The following ZNF503 variants were observed in gnomAD, a reference collection of about 807,000 sequenced individuals.
ZNF503 encodes zinc finger protein 503.
In ZNF503, 15 loss-of-function variants were observed where a neutral mutation model predicts 34.4. That is an observed-to-expected ratio of 0.44 (90% CI 0.29 to 0.67). The LOEUF (loss-of-function observed/expected upper bound fraction) is 0.67. Ranked by LOEUF, ZNF503 falls within the 30% of genes least tolerant of loss-of-function variation. The pLI is 0.13. For synonymous variants in ZNF503, 580 were observed against 456.8 expected (o/e 1.27, Z -3.44); for missense variants, 1,007 against 926.8 (o/e 1.09, Z -1.12).
At chr10:75,384,831 C>T in the ZNF503 span, among the ~76,000 whole-genome samples, 1 of 152,238 alleles carries the variant, frequency 6.6e-6, no homozygotes, top group Non-Finnish European at 1.5e-5. Context: ...CTCTGGCTAC[C>T]TCCCTGTCCC....
the ZNF503 span, among the ~76,000 whole-genome samples, chr10:75,337,907 C>T: frequency 6.6e-6 from 1 of 152,162 alleles, no homozygotes; most frequent in African/African-American, 2.4e-5. Flanking sequence ...ATACATTCAC[C>T]CTGGGCCAGA....
the ZNF503 span, among the ~76,000 whole-genome samples, chr10:75,377,058 A>C: frequency 9.8e-5 from 15 of 152,302 alleles, no homozygotes; most frequent in African/African-American, 3.4e-4. Context: ...CTTGCTAGAA[A>C]TGCAAACCCT....
chr10:75,285,035 T>C, the ZNF503 span, among the ~76,000 whole-genome samples: 1 of 152,236 alleles, frequency 6.6e-6, no homozygotes, highest in Non-Finnish European at 1.5e-5. Context: ...TTACTACTTA[T>C]TGATCATGGT....
At chr10:75,331,127 T>C in the ZNF503 span, among the ~76,000 whole-genome samples, 2 of 152,380 alleles carry the variant, frequency 1.3e-5, no homozygotes, top group African/African-American at 4.8e-5. Context: ...CCTCTTGTTA[T>C]TGATTTTTAG....
chr10:75,321,166 C>A, the ZNF503 span, among the ~76,000 whole-genome samples: 1 of 152,174 alleles, frequency 6.6e-6, no homozygotes, highest in South Asian at 2.1e-4. Context: ...TAAGAGGAAC[C>A]TGTTTCCCCT....
the ZNF503 span, among the ~76,000 whole-genome samples, chr10:75,335,938 C>T: frequency 2.6e-5 from 4 of 152,314 alleles, no homozygotes; most frequent in African/African-American, 9.6e-5. Flanking sequence ...TTTCTCTGTT[C>T]AAGACTAAGA....
chr10:75,382,552 C>G, the ZNF503 span: 4 of 507,176 alleles, frequency 7.9e-6, no homozygotes, highest in Non-Finnish European at 1.4e-5. Flanking sequence ...TGACTGGTGT[C>G]TCTTTCTCCT....
rs1843740513 is a variant in ZNF503, at chr10:75,398,917, G to A, written c.1773C>T (p.Ser591=). The change falls in exon 2 of 2, where the codon AGC becomes AGT. Residue 591 remains serine (S), a synonymous_variant. Coordinates refer to ENST00000372524, the MANE Select transcript of ZNF503 (RefSeq NM_032772.6). ...PGSPGTLALR[S]PHHALGLSSR... is the part of the protein sequence containing the mutation. ...TGCTGAGTCCCAGCGCGTGGTGGGG[G>A]CTGCGCAGCGCCAGCGTCCCAGGGC... is the stretch of plus-strand genomic sequence containing the variant. 1 of 1,574,912 alleles carries A rather than the reference G, an allele frequency of 6.3e-7. No homozygotes were observed. The highest frequency in any genetic ancestry group is 8.6e-7 in the Non-Finnish European group (1 of 1,163,826).
the ZNF503 span, among the ~76,000 whole-genome samples, chr10:75,305,158 C>T: frequency 6.6e-6 from 1 of 152,020 alleles, no homozygotes; most frequent in South Asian, 2.1e-4. Flanking sequence ...CTTCCTCATT[C>T]CTTTCCCTAA....
At chr10:75,397,759 A>C (rs1397702905), downstream of ZNF503, 1 of 152,500 alleles carries the variant, frequency 6.6e-6, no homozygotes, top group African/African-American at 2.4e-5. Flanking sequence ...AAGGAGTAGC[A>C]GTGAGGCCCC....
chr10:75,301,177 G>T, the ZNF503 span, among the ~76,000 whole-genome samples: 1 of 152,094 alleles, frequency 6.6e-6, no homozygotes, highest in African/African-American at 2.4e-5. Flanking sequence ...TCTGCCTTTT[G>T]AATGGATATT....
Position 75,399,616 on chromosome 10 carries a change from G to C in ZNF503, c.1074C>G (p.Thr358=). The change falls in exon 2 of 2, where the codon ACC becomes ACG. Residue 358 remains threonine, a synonymous_variant. Transcript: ENST00000372524. ...AGGCCCCGGCCAGGCTGCCTGGGTAGGTCATACCCGCGGGAGGCAGAGGGA... is the reference window on the plus strand; with the variant it reads ...AGGCCCCGGCCAGGCTGCCTGGGTACGTCATACCCGCGGGAGGCAGAGGGA... The part of the protein sequence containing the change: ...TVFPLPPAGM[T]YPGSLAGAYA... The C allele has an allele frequency of 6.3e-7, 1 of 1,598,370 alleles. No individual in the cohort carries two copies. The highest frequency in any genetic ancestry group is 8.5e-7 in the Non-Finnish European group (1 of 1,179,650).
chr10:75,327,005 T>C, the ZNF503 span, among the ~76,000 whole-genome samples: 17 of 152,268 alleles, frequency 1.1e-4, no homozygotes, highest in East Asian at 2.7e-3. Flanking sequence ...TTTTGATACA[T>C]GTATACAATG....
chr10:75,377,918 C>A, the ZNF503 span, among the ~76,000 whole-genome samples: 1 of 152,090 alleles, frequency 6.6e-6, no homozygotes, highest in African/African-American at 2.4e-5. Context: ...CTGGGGAGGC[C>A]TCAGGAAACT....
At chr10:75,280,555 C>CGTGTGTGTGT in the ZNF503 span, among the ~76,000 whole-genome samples, 1,431 of 146,604 alleles carry the variant, frequency 9.8e-3, 12 homozygotes, top group South Asian at 0.022. Flanking sequence ...GGTGTGTATG[C>CGTGTGTGTGT]GTGTGTGTGT....
At chr10:75,389,978 T>C in the ZNF503 span, among the ~76,000 whole-genome samples, 119 of 151,944 alleles carry the variant, frequency 7.8e-4, 1 homozygote, top group African/African-American at 2.7e-3. Context: ...CTGCAAGCTC[T>C]GCCTCCCGGG....
the ZNF503 span, chr10:75,284,019 A>G: frequency 3.9e-5 from 6 of 152,102 alleles, no homozygotes; most frequent in Non-Finnish European, 5.9e-5. Flanking sequence ...AAAGTCATAT[A>G]TCATCTTCAG....
the ZNF503 span, among the ~76,000 whole-genome samples, chr10:75,357,846 C>T: frequency 1.5e-4 from 23 of 152,130 alleles, no homozygotes; most frequent in Non-Finnish European, 3.2e-4. Flanking sequence ...ATATAACAGG[C>T]GAGGCGCACA....
chr10:75,384,059 G>A, the ZNF503 span, among the ~76,000 whole-genome samples: 14 of 152,188 alleles, frequency 9.2e-5, no homozygotes, highest in Admixed American at 5.9e-4. Flanking sequence ...AGTTTAGGAC[G>A]AGTCTGGCTC....
Sources: allele counts gnomAD v4.1 joint callset (sites outside exome capture counted in the v4.1 genomes callset), GRCh38; gene constraint gnomAD v4.1.1; transcripts MANE v1.5; gene names NCBI Gene and HGNC (gene_info 2026-07-23, HGNC 2026-07-21).